PCDHGA6: variants seen among roughly 807,000 people sequenced by gnomAD.
PCDHGA6 encodes the protein protocadherin gamma-A6.
Under a neutral mutation model 60.6 loss-of-function variants are expected in PCDHGA6, and 41 were observed. That is an observed-to-expected ratio of 0.68 (90% CI 0.53 to 0.88). The LOEUF is 0.88. Ranked by LOEUF, PCDHGA6 falls within the 40% of genes least tolerant of loss-of-function variation. The pLI is 0.00. For missense variants in PCDHGA6, 1,312 were observed against 1,203.0 expected, an observed-to-expected ratio of 1.09 and a Z score of -1.34; for synonymous variants, 594 against 524.4, an observed-to-expected ratio of 1.13 and a Z score of -1.81.
intron 1 of PCDHGA6, chr5:141,383,890 G>T: frequency 1.2e-6 from 2 of 1,613,936 alleles, no homozygotes; most frequent in East Asian, 2.2e-5. Context: ...TCTGACAAAG[G>T]CAAAAGTACT....
intron 1 of PCDHGA6, chr5:141,423,134 G>A: frequency 6.2e-7 from 1 of 1,613,680 alleles, no homozygotes; most frequent in South Asian, 1.1e-5. Flanking sequence ...CTGCTGGACA[G>A]AGACGCGCTC....
intron 1 of PCDHGA6, among the ~76,000 whole-genome samples, chr5:141,405,891 A>G (rs1029768115): frequency 1.3e-5 from 2 of 152,164 alleles, no homozygotes; most frequent in African/African-American, 4.8e-5. Flanking sequence ...TTGCTCCAAC[A>G]CTGAAAGGAG....
chr5:141,498,104 C>T (rs530844708), intron 2 of PCDHGA6, among the ~76,000 whole-genome samples: 2 of 152,106 alleles, frequency 1.3e-5, no homozygotes, highest in African/African-American at 4.8e-5. Context: ...GTGGTGTGGG[C>T]GTATAATAGG....
At chr5:141,498,264 C>A (rs1272117057) in intron 2 of PCDHGA6, among the ~76,000 whole-genome samples, 2 of 152,016 alleles carry the variant, frequency 1.3e-5, no homozygotes, top group Admixed American at 1.3e-4. Context: ...GTGTTGAGTT[C>A]TTCAGTAAAC....
chr5:141,382,013 G>A (rs1000379234), intron 1 of PCDHGA6, among the ~76,000 whole-genome samples: 1 of 151,580 alleles, frequency 6.6e-6, no homozygotes, highest in Non-Finnish European at 1.5e-5. Context: ...ATTTTTAGTA[G>A]AGACGGGGTT....
At chr5:141,403,772 A>G in intron 1 of PCDHGA6, 1 of 1,613,960 alleles carries the variant, frequency 6.2e-7, no homozygotes, top group Middle Eastern at 1.7e-4. Flanking sequence ...TGAGGGAATC[A>G]ACGGAAAAGT....
rs1771295281 is a variant in PCDHGA6 at position 141,375,270 on chromosome 5, A to T, written c.1187A>T (p.Lys396Ile). The T allele has an allele frequency of 6.2e-7, 1 of 1,613,754 alleles. No individual in the cohort carries two copies. ...IPRSLPFELE[K>I]SVGNYYRLVT... is the part of the protein sequence containing the mutation. ...AGAAGTCTCCCATTTGAATTGGAAA[A>T]ATCAGTTGGCAATTATTATCGATTA... The change falls in exon 1 of 4, where the codon AAA becomes ATA. Residue 396 changes from lysine to isoleucine, a missense_variant. Lys to Ile is a moderately radical substitution (Grantham distance 102, BLOSUM62 -3). Coordinates refer to ENST00000517434, the MANE Select transcript of PCDHGA6 (RefSeq NM_018919.3).
At chr5:141,478,904 T>G in intron 1 of PCDHGA6, 1 of 958,800 alleles carries the variant, frequency 1.0e-6, no homozygotes, top group Non-Finnish European at 1.5e-6. Context: ...AGGAATAAGC[T>G]GCTGGATACC....
chr5:141,410,485 A>G, intron 1 of PCDHGA6: 3 of 1,614,016 alleles, frequency 1.9e-6, no homozygotes, highest in Non-Finnish European at 1.7e-6. Flanking sequence ...ATACGGGTAC[A>G]AAAGAGTTTA....
chr5:141,400,319 C>G (rs762588918), intron 1 of PCDHGA6: 1 of 1,613,974 alleles, frequency 6.2e-7, no homozygotes, highest in African/African-American at 1.3e-5. Context: ...TGTGTCAAGT[C>G]TGGACCTGTG....
intron 1 of PCDHGA6, among the ~76,000 whole-genome samples, chr5:141,457,904 T>C (rs960822555): frequency 6.0e-5 from 9 of 150,288 alleles, no homozygotes; most frequent in African/African-American, 2.2e-4. Context: ...GTAGACAAGG[T>C]GTGAGGCCAG....
chr5:141,385,593 C>T lies in PCDHGA6; in HGVS notation c.2424+9086C>T. On this transcript the variant is annotated intron_variant, in intron 1 of 3. Transcript: ENST00000517434. ...ACTTTCCAATCTATGTTCCAACCTA[C>T]TTTCTTAACTCATATATTTTATACA... is the stretch of plus-strand genomic sequence containing the variant. The T allele has an allele frequency of 2.4e-6, 3 of 1,235,054 alleles. No individual in the cohort carries two copies. The South Asian group carries it at 7.5e-5, about 31-fold the overall frequency. The allele number at this position is 1,235,054 out of a possible 1,614,324, so 76.5% of individuals were successfully genotyped here. A position where few individuals can be genotyped will look rare whatever the true frequency, so the allele number is the denominator to read the frequency against.
intron 1 of PCDHGA6, chr5:141,385,530 A>T (rs1020257746): frequency 2.5e-4 from 336 of 1,356,078 alleles, no homozygotes; most frequent in Non-Finnish European, 2.9e-4. Flanking sequence ...GGACAAGATT[A>T]TGAATATGTG....
At chr5:141,503,178 T>C (rs988629461) in intron 2 of PCDHGA6, among the ~76,000 whole-genome samples, 56 of 151,998 alleles carry the variant, frequency 3.7e-4, no homozygotes, top group African/African-American at 1.3e-3. Flanking sequence ...TACTCTATTG[T>C]GTAATTATTT....
chr5:141,389,270 C>A, intron 1 of PCDHGA6: 1 of 1,614,004 alleles, frequency 6.2e-7, no homozygotes, highest in Non-Finnish European at 8.5e-7. Flanking sequence ...TGGCCGAGAA[C>A]AACCCGCCTG....
At chr5:141,388,369 T>G in intron 1 of PCDHGA6, 1 of 1,614,006 alleles carries the variant, frequency 6.2e-7, no homozygotes, top group Non-Finnish European at 8.5e-7. Flanking sequence ...GATGCGGATA[T>G]TGGTAGCAAC....
At chr5:141,478,425 A>G (rs1454100826) in intron 1 of PCDHGA6, 1 of 1,613,542 alleles carries the variant, frequency 6.2e-7, no homozygotes, top group African/African-American at 1.3e-5. Context: ...CGCCGCAGCG[A>G]CCCGCTGCTG....
rs2233602 is a variant in PCDHGA6, at chr5:141,490,032, C to T, written c.2425-4775C>T. 47,990 of 1,614,182 alleles carry T rather than the reference C, an allele frequency of 0.03. 1,413 individuals are homozygous for T. Among genetic ancestry groups the T allele is most frequent in the African/African-American group, 0.15 (11,444 of 75,040 alleles). On this transcript the variant is annotated intron_variant, in intron 1 of 3. Coordinates refer to ENST00000517434, the MANE Select transcript of PCDHGA6 (RefSeq NM_018919.3). The surrounding 1 kb of genome is among the most constrained non-coding windows in gnomAD (Gnocchi z 5.4). ...CCATTGGTACTCTGCTGCTCCGCCT[C>T]AATGCCACTGATCCAGACGAGGGCA...
At position 141,413,783 on chromosome 5, in the gene PCDHGA6, C is replaced by T. The variant is rs1418394305; in HGVS notation, c.2424+37276C>T. 3.7e-6 allele frequency: 6 copies of T among 1,613,096 alleles called. No individual in the cohort carries two copies. Among genetic ancestry groups the T allele is most frequent in the Non-Finnish European group, 4.2e-6 (5 of 1,179,878 alleles). On this transcript the variant is annotated intron_variant, in intron 1 of 3. Coordinates refer to ENST00000517434, the MANE Select transcript of PCDHGA6 (RefSeq NM_018919.3). ...TACCCGGAGCTGGTACTGGAGCACT[C>T]CCTAGATCGCGAGGAAGAGGCCATT...
Sources: allele counts gnomAD v4.1 joint callset (sites outside exome capture counted in the v4.1 genomes callset), GRCh38; gene constraint gnomAD v4.1.1; non-coding constraint Gnocchi (gnomAD v3.1); transcripts MANE v1.5; gene names NCBI Gene and HGNC (gene_info 2026-07-23, HGNC 2026-07-21).